Variants in CSMD1 observed in about 807,000 individuals in gnomAD.
The protein encoded by CSMD1 is CUB and sushi domain-containing protein 1.
A neutral mutation model predicts 417.5 loss-of-function variants in CSMD1; 213 were observed. That is an observed-to-expected ratio of 0.51 (90% CI 0.46 to 0.57). The LOEUF (loss-of-function observed/expected upper bound fraction) is 0.57. Ranked by LOEUF, CSMD1 falls within the 20% of genes least tolerant of loss-of-function variation. CSMD1 has a pLI of 0.00. For missense variants in CSMD1, 6,923 were observed against 4,529.7 expected (o/e 1.53, Z -15.17); for synonymous variants, 2,862 against 1,736.8 (o/e 1.65, Z -16.11).
At chr8:3,110,678 G>A (rs969335682) in intron 42 of CSMD1, among the ~76,000 whole-genome samples, 1 of 152,120 alleles carries the variant, frequency 6.6e-6, no homozygotes, top group African/African-American at 2.4e-5. Flanking sequence ...ATGAATTATG[G>A]GGAAAGTATT....
intron 3 of CSMD1, among the ~76,000 whole-genome samples, chr8:4,216,145 A>AT (rs200546037): frequency 0.01 from 1,525 of 151,892 alleles, 19 homozygotes; most frequent in African/African-American, 0.03. Flanking sequence ...ATGTAATCCC[A>AT]TTTTTTCACA....
chr8:3,683,544 T>A (rs536020972), intron 7 of CSMD1, among the ~76,000 whole-genome samples: 1 of 152,294 alleles, frequency 6.6e-6, no homozygotes, highest in African/African-American at 2.4e-5. Context: ...TGCCAAAAAA[T>A]CATTTGAAAC....
chr8:3,503,725 G>C (rs550373727), intron 10 of CSMD1, among the ~76,000 whole-genome samples: 65 of 152,282 alleles, frequency 4.3e-4, no homozygotes, highest in African/African-American at 1.5e-3. Context: ...AAGGATTCCT[G>C]AGAAGACCTG....
intron 6 of CSMD1, among the ~76,000 whole-genome samples, chr8:3,728,732 G>A (rs1015203058): frequency 6.6e-6 from 1 of 152,158 alleles, no homozygotes; most frequent in African/African-American, 2.4e-5. Context: ...GGTGGGCATG[G>A]TCTGTCTTAA....
intron 7 of CSMD1, among the ~76,000 whole-genome samples, chr8:3,663,676 A>G (rs1798536684): frequency 6.6e-6 from 1 of 152,072 alleles, no homozygotes; most frequent in Non-Finnish European, 1.5e-5. Flanking sequence ...TTTTCTACCT[A>G]TGAACTGGAA....
intron 69 of CSMD1, 67 bp downstream of exon 69, chr8:2,942,405 T>C: frequency 7.4e-7 from 1 of 1,353,736 alleles, no homozygotes; most frequent in South Asian, 1.4e-5. Flanking sequence ...CACGAGAGCA[T>C]GCCCATTACT....
At chr8:4,956,749 T>A (rs911539653) in intron 1 of CSMD1, among the ~76,000 whole-genome samples, 4 of 152,138 alleles carry the variant, frequency 2.6e-5, no homozygotes, top group African/African-American at 9.7e-5. Context: ...AGGAAAATAT[T>A]CCAGGGAATG....
intron 50 of CSMD1, among the ~76,000 whole-genome samples, chr8:3,049,352 C>T (rs763452894): frequency 3.4e-4 from 51 of 152,162 alleles, no homozygotes; most frequent in Non-Finnish European, 5.6e-4. Flanking sequence ...TGTACGTAAA[C>T]GGGTAAATAA....
intron 2 of CSMD1, among the ~76,000 whole-genome samples, chr8:4,613,791 G>T (rs1801318391): frequency 6.6e-6 from 1 of 150,642 alleles, no homozygotes; most frequent in Non-Finnish European, 1.5e-5. Context: ...GACCACCCAG[G>T]GACTGGGATT....
intron 2 of CSMD1, among the ~76,000 whole-genome samples, chr8:4,431,113 A>G (rs1241661237): frequency 2.0e-5 from 3 of 152,150 alleles, no homozygotes; most frequent in Non-Finnish European, 4.4e-5. Flanking sequence ...TAAACAGACC[A>G]CATGACTGTA....
chr8:3,384,963 T>C (rs1272187691), intron 18 of CSMD1, among the ~76,000 whole-genome samples: 1 of 33,156 alleles, frequency 3.0e-5, no homozygotes, highest in African/African-American at 1.2e-4. Context: ...TAATATATAA[T>C]ATATATGCAT....
At chr8:3,943,037 C>T (rs1810985639) in intron 5 of CSMD1, among the ~76,000 whole-genome samples, 1 of 151,998 alleles carries the variant, frequency 6.6e-6, no homozygotes, top group African/African-American at 2.4e-5. Context: ...TCAGGAAAAT[C>T]CTGCTTTTCA....
intron 5 of CSMD1, among the ~76,000 whole-genome samples, chr8:3,945,351 A>C (rs1036566529): frequency 6.6e-6 from 1 of 152,172 alleles, no homozygotes; most frequent in East Asian, 1.9e-4. Flanking sequence ...AATGATGTCC[A>C]CAAAGCTTTC....
intron 4 of CSMD1, among the ~76,000 whole-genome samples, chr8:4,004,966 A>T (rs1013199712): frequency 3.9e-5 from 6 of 152,002 alleles, no homozygotes; most frequent in African/African-American, 1.4e-4. Context: ...GGATGGTCTC[A>T]ATCTCCTGAC....
At chr8:4,174,673 A>G (rs529118533) in intron 3 of CSMD1, among the ~76,000 whole-genome samples, 1 of 141,152 alleles carries the variant, frequency 7.1e-6, no homozygotes, top group Non-Finnish European at 1.5e-5. Context: ...ACCCATGCTA[A>G]CATGCTCAAA....
At chr8:3,948,759 C>A (rs1223023721) in intron 5 of CSMD1, among the ~76,000 whole-genome samples, 1 of 152,084 alleles carries the variant, frequency 6.6e-6, no homozygotes, top group South Asian at 2.1e-4. Context: ...AAAAGATGAG[C>A]ATTTCTTCAA....
chr8:4,591,800 T>C (rs548196963), intron 2 of CSMD1, among the ~76,000 whole-genome samples: 13 of 152,230 alleles, frequency 8.5e-5, no homozygotes, highest in African/African-American at 3.1e-4. Context: ...TACTCAGCAA[T>C]GAGGCAGTGG....
intron 1 of CSMD1, among the ~76,000 whole-genome samples, chr8:4,675,149 A>G (rs1178608231): frequency 1.3e-5 from 2 of 152,216 alleles, no homozygotes; most frequent in Non-Finnish European, 2.9e-5. Context: ...CATAACATTT[A>G]TATAGTTTCA....
At chr8:4,690,185 G>T (rs948170051) in intron 1 of CSMD1, among the ~76,000 whole-genome samples, 2 of 152,160 alleles carry the variant, frequency 1.3e-5, no homozygotes, top group Non-Finnish European at 1.5e-5. Flanking sequence ...TTATTTACAT[G>T]TCAGTGCAGT....
Sources: allele counts gnomAD v4.1 joint callset (sites outside exome capture counted in the v4.1 genomes callset), GRCh38; gene constraint gnomAD v4.1.1; transcripts MANE v1.5; gene names NCBI Gene and HGNC (gene_info 2026-07-23, HGNC 2026-07-21).